The following CDH13 variants were observed in gnomAD, a reference collection of about 807,000 sequenced individuals.
The protein encoded by CDH13 is cadherin-13.
A neutral mutation model predicts 63.8 loss-of-function variants in CDH13; 24 were observed. The ratio of observed to expected loss-of-function variants is 0.38; its 90% CI spans 0.27 to 0.53. CDH13 has a LOEUF of 0.53. Ranked by LOEUF, CDH13 falls within the 20% of genes least tolerant of loss-of-function variation. The pLI is 0.85. For missense variants in CDH13, 1,049 were observed against 903.1 expected (o/e 1.16, Z -2.07); for synonymous variants, 503 against 355.3 (o/e 1.42, Z -4.67).
intron 1 of CDH13, among the ~76,000 whole-genome samples, chr16:82,693,360 C>A (rs1368090088): frequency 2.6e-5 from 4 of 152,180 alleles, no homozygotes; most frequent in African/African-American, 9.7e-5. Flanking sequence ...CATCAAAGGA[C>A]CTGCTAGCAG....
intron 10 of CDH13, among the ~76,000 whole-genome samples, chr16:83,698,137 G>C (rs1905670145): frequency 6.6e-6 from 1 of 152,208 alleles, no homozygotes; most frequent in African/African-American, 2.4e-5. Context: ...CGAATGAATT[G>C]CAAATAAATT....
At chr16:83,218,244 C>T (rs1293609265) in intron 5 of CDH13, among the ~76,000 whole-genome samples, 1 of 152,126 alleles carries the variant, frequency 6.6e-6, no homozygotes, top group Non-Finnish European at 1.5e-5. Flanking sequence ...AAGTGCTGGA[C>T]AGACATAGAG....
At chr16:83,500,639 C>G (rs796819393) in intron 7 of CDH13, among the ~76,000 whole-genome samples, 4 of 139,140 alleles carry the variant, frequency 2.9e-5, no homozygotes, top group African/African-American at 1.1e-4. Flanking sequence ...ATGGCACGAT[C>G]TTGGCTTACC....
intron 2 of CDH13, among the ~76,000 whole-genome samples, chr16:82,920,624 C>T (rs930933111): frequency 2.6e-5 from 4 of 152,128 alleles, no homozygotes; most frequent in African/African-American, 9.7e-5. Flanking sequence ...CACTGCAGGC[C>T]CCACTGTGGA....
At chr16:82,968,724 G>A (rs1266854327) in intron 2 of CDH13, among the ~76,000 whole-genome samples, 1 of 152,150 alleles carries the variant, frequency 6.6e-6, no homozygotes, top group Non-Finnish European at 1.5e-5. Flanking sequence ...ATAGGCTTTT[G>A]TTCTAGCATC....
intron 8 of CDH13, among the ~76,000 whole-genome samples, chr16:83,656,419 G>T (rs1334251047): frequency 6.6e-6 from 1 of 152,138 alleles, no homozygotes. Flanking sequence ...GCAGATGCTG[G>T]CTGTGACTTG....
chr16:83,202,369 C>T (rs2039056619), intron 4 of CDH13, among the ~76,000 whole-genome samples: 1 of 152,100 alleles, frequency 6.6e-6, no homozygotes, highest in South Asian at 2.1e-4. Flanking sequence ...TATAAAGAGC[C>T]TTGCTTTCCT....
intron 2 of CDH13, among the ~76,000 whole-genome samples, chr16:82,879,840 A>T (rs922506336): frequency 7.5e-6 from 1 of 133,754 alleles, no homozygotes; most frequent in Non-Finnish European, 1.5e-5. Context: ...AATTATGCAA[A>T]TTATATTTGT....
At position 82,767,868 on chromosome 16, in the gene CDH13, C is replaced by G. The variant is rs149292086; in HGVS notation, c.46-90494C>G. On this transcript the variant is annotated intron_variant, in intron 1 of 13. Coordinates refer to ENST00000567109, the MANE Select transcript of CDH13 (RefSeq NM_001257.5). ...CTGGCACTGAGGGTCCATGTGCTCACTTAGCTTTCCAGGGAGGGGCTAGAC... is the reference window on the plus strand; with the variant it reads ...CTGGCACTGAGGGTCCATGTGCTCAGTTAGCTTTCCAGGGAGGGGCTAGAC... Among the ~76,000 whole-genome samples the G allele has an allele frequency of 5.9e-5, 9 of 152,322 alleles. No homozygotes were observed. The East Asian group carries it at 1.5e-3, about 26-fold the overall frequency.
chr16:82,715,799 G>A (rs1027718227), intron 1 of CDH13, among the ~76,000 whole-genome samples: 2 of 152,126 alleles, frequency 1.3e-5, no homozygotes, highest in Admixed American at 1.3e-4. Flanking sequence ...AAAATTACAA[G>A]CCACAGTCTC....
chr16:82,664,425 G>A (rs1008250423), intron 1 of CDH13, among the ~76,000 whole-genome samples: 1 of 152,206 alleles, frequency 6.6e-6, no homozygotes, highest in African/African-American at 2.4e-5. Context: ...CTACAGCTCT[G>A]AACACAGCAG....
At chr16:83,125,548 G>T (rs1353197457) in intron 4 of CDH13, 47 bp downstream of exon 4, 2 of 1,004,084 alleles carry the variant, frequency 2.0e-6, no homozygotes, top group South Asian at 2.7e-5. Flanking sequence ...TTTATGAAAA[G>T]ATGAGCACAG....
chr16:82,833,068 G>T (rs1006692260), intron 1 of CDH13, among the ~76,000 whole-genome samples: 1 of 152,196 alleles, frequency 6.6e-6, no homozygotes, highest in African/African-American at 2.4e-5. Context: ...AAATGAGTCA[G>T]TGTGTTATGG....
At chr16:83,662,810 T>A (rs1187532025) in intron 8 of CDH13, among the ~76,000 whole-genome samples, 1 of 152,150 alleles carries the variant, frequency 6.6e-6, no homozygotes, top group Non-Finnish European at 1.5e-5. Context: ...AGAAACCTGC[T>A]CAAGGCAGCT....
chr16:82,892,627 G>C (rs1437568492), intron 2 of CDH13, among the ~76,000 whole-genome samples: 1 of 152,102 alleles, frequency 6.6e-6, no homozygotes, highest in African/African-American at 2.4e-5. Flanking sequence ...AGAGAGTTTG[G>C]GATGGATCTA....
At chr16:82,911,208 G>A (rs1278615775) in intron 2 of CDH13, among the ~76,000 whole-genome samples, 1 of 152,176 alleles carries the variant, frequency 6.6e-6, no homozygotes, top group Non-Finnish European at 1.5e-5. Flanking sequence ...CCATTCATTT[G>A]CACATCTCAT....
intron 1 of CDH13, among the ~76,000 whole-genome samples, chr16:82,647,685 T>C (rs1910258183): frequency 6.6e-6 from 1 of 152,226 alleles, no homozygotes; most frequent in Non-Finnish European, 1.5e-5. Flanking sequence ...ACTGGACTAC[T>C]CCAGCCTCAG....
chr16:82,877,982 A>C (rs548359316), intron 2 of CDH13, among the ~76,000 whole-genome samples: 13 of 150,174 alleles, frequency 8.7e-5, no homozygotes, highest in Admixed American at 6.6e-4. Context: ...CACACACTCT[A>C]TATATGTATA....
At chr16:83,647,120 A>C (rs1911898903) in intron 8 of CDH13, among the ~76,000 whole-genome samples, 1 of 151,852 alleles carries the variant, frequency 6.6e-6, no homozygotes, top group African/African-American at 2.4e-5. Context: ...ACCATCCTGT[A>C]TAACACGGTG....
Sources: allele counts gnomAD v4.1 joint callset (sites outside exome capture counted in the v4.1 genomes callset), GRCh38; gene constraint gnomAD v4.1.1; transcripts MANE v1.5; gene names NCBI Gene and HGNC (gene_info 2026-07-23, HGNC 2026-07-21).